The following IQCJ variants were observed in gnomAD, a reference collection of about 807,000 sequenced individuals.
IQCJ encodes the protein IQ motif containing J, also known as IQ domain-containing protein J.
In IQCJ, 9 loss-of-function variants were observed where a neutral mutation model predicts 11.0. The ratio of observed to expected loss-of-function variants is 0.82; its 90% CI spans 0.49 to 1.43. The LOEUF is 1.43. Among genes scored for constraint, IQCJ ranks in the 40% most tolerant of loss-of-function variants. The probability of loss-of-function intolerance (pLI) is 0.00; values close to 1 mark genes in which losing one functional copy is unlikely to be tolerated. For synonymous variants in IQCJ, 55 were observed against 51.3 expected (o/e 1.07, Z -0.31); for missense variants, 146 against 133.2 (o/e 1.10, Z -0.47).
At chr3:159,157,470 G>A (rs1439654654) in intron 1 of IQCJ, among the ~76,000 whole-genome samples, 1 of 152,196 alleles carries the variant, frequency 6.6e-6, no homozygotes, top group Non-Finnish European at 1.5e-5. Flanking sequence ...CTTAGGCAAT[G>A]TTGATGGATA....
intron 1 of IQCJ, among the ~76,000 whole-genome samples, chr3:159,205,957 C>T (rs535710358): frequency 6.6e-6 from 1 of 152,328 alleles, no homozygotes; most frequent in Admixed American, 6.5e-5. Flanking sequence ...TTGTCAGAAA[C>T]ATTAAGAGAA....
At chr3:159,252,153 GAGCTGCCTTCTCCATGA>G (rs777464818) in intron 2 of IQCJ, among the ~76,000 whole-genome samples, 146 of 152,184 alleles carry the variant, frequency 9.6e-4, no homozygotes, top group Non-Finnish European at 1.9e-3. Context: ...CTCATCCCAA[GAGCTGCCTTCTCCATGA>G]AGCCCTTCTT....
At chr3:159,086,441 C>G (rs889580840) in intron 1 of IQCJ, among the ~76,000 whole-genome samples, 3 of 152,070 alleles carry the variant, frequency 2.0e-5, no homozygotes, top group African/African-American at 7.2e-5. Flanking sequence ...TAGTTTTTTC[C>G]AATTCTTTGA....
chr3:159,208,089 C>T (rs1427432903), intron 1 of IQCJ, among the ~76,000 whole-genome samples: 1 of 152,148 alleles, frequency 6.6e-6, no homozygotes, highest in Non-Finnish European at 1.5e-5. Context: ...AAAAAATGAG[C>T]TCATTGAGTC....
intron 1 of IQCJ, among the ~76,000 whole-genome samples, chr3:159,162,999 G>T (rs1428062960): frequency 6.6e-6 from 1 of 152,174 alleles, no homozygotes; most frequent in Non-Finnish European, 1.5e-5. Context: ...GAGGTACAAG[G>T]AGGAACTGGT....
intron 1 of IQCJ, among the ~76,000 whole-genome samples, chr3:159,128,887 T>C (rs1003329468): frequency 6.6e-6 from 1 of 152,214 alleles, no homozygotes; most frequent in Admixed American, 6.5e-5. Context: ...TAGCCCCTTG[T>C]TTTCAGAACT....
rs1356313323 is a variant in IQCJ, at chr3:159,093,336, G to A, written c.9+23895G>A. 1.3e-5 allele frequency among the ~76,000 whole-genome samples: 2 copies of A among 151,892 alleles called. 1 individual carries two copies. Among genetic ancestry groups the A allele is most frequent in the African/African-American group, 4.9e-5 (2 of 41,166 alleles). ...TTCCTAGAGATTGATCATTTTCAAA[G>A]AGAAAAGTCAGGAGCTTTTATATCA... On this transcript the variant is annotated intron_variant, in intron 1 of 3. Transcript: ENST00000397832.
chr3:159,162,043 A>G (rs191934580), intron 1 of IQCJ, among the ~76,000 whole-genome samples: 331 of 152,328 alleles, frequency 2.2e-3, no homozygotes, highest in African/African-American at 7.6e-3. Context: ...TGAACTTTAA[A>G]GAAGTTTTTT....
chr3:159,147,453 C>G (rs988124985), intron 1 of IQCJ, among the ~76,000 whole-genome samples: 1 of 152,182 alleles, frequency 6.6e-6, no homozygotes, highest in Non-Finnish European at 1.5e-5. Context: ...TATGAGACCT[C>G]TGAAGAATAA....
At chr3:159,119,791 C>G (rs1719246885) in intron 1 of IQCJ, among the ~76,000 whole-genome samples, 1 of 152,164 alleles carries the variant, frequency 6.6e-6, no homozygotes, top group Admixed American at 6.5e-5. Context: ...CCATGTATCC[C>G]CATTCCGTAT....
chr3:159,207,689 G>A (rs1319375394), intron 1 of IQCJ, among the ~76,000 whole-genome samples: 1 of 152,218 alleles, frequency 6.6e-6, no homozygotes, highest in Non-Finnish European at 1.5e-5. Context: ...GGGAAGTTCA[G>A]TGTTTAGGGA....
intron 1 of IQCJ, among the ~76,000 whole-genome samples, chr3:159,142,497 A>G (rs944444303): frequency 1.3e-5 from 2 of 151,810 alleles, no homozygotes; most frequent in Non-Finnish European, 2.9e-5. Flanking sequence ...GCTCACTGCA[A>G]TGTCCACCTC....
chr3:159,207,935 CA>C (rs1477809209), intron 1 of IQCJ, among the ~76,000 whole-genome samples: 30 of 152,226 alleles, frequency 2.0e-4, no homozygotes, highest in African/African-American at 7.0e-4. Context: ...CACATTCGAA[CA>C]AAGCAAATAC....
intron 1 of IQCJ, among the ~76,000 whole-genome samples, chr3:159,093,449 G>C (rs550508496): frequency 2.0e-5 from 3 of 151,756 alleles, no homozygotes; most frequent in Non-Finnish European, 4.4e-5. Flanking sequence ...TCAAGATTTG[G>C]CTCCCACATT....
At chr3:159,112,569 T>C (rs1438999953) in intron 1 of IQCJ, among the ~76,000 whole-genome samples, 1 of 146,872 alleles carries the variant, frequency 6.8e-6, no homozygotes, top group Non-Finnish European at 1.5e-5. Flanking sequence ...GGCTGAAGCA[T>C]GTTAACAGTA....
rs1191316996 is a variant in IQCJ, at chr3:159,220,381, G to A, written c.10-25462G>A. 3.3e-5 allele frequency among the ~76,000 whole-genome samples: 5 copies of A among 152,204 alleles called. No individual in the cohort carries two copies. The South Asian group carries it at 1.0e-3, about 32-fold the overall frequency. ...GTGGGGCTCTAAATTAGTAAGAGTGGTGTCCTAATAAGAAGAGGAGGAAGC... is the reference window on the plus strand; with the variant it reads ...GTGGGGCTCTAAATTAGTAAGAGTGATGTCCTAATAAGAAGAGGAGGAAGC... On this transcript the variant is annotated intron_variant, in intron 1 of 3. Coordinates refer to ENST00000397832, the MANE Select transcript of IQCJ (RefSeq NM_001042706.3).
chr3:159,116,340 T>G (rs1718997127), intron 1 of IQCJ, among the ~76,000 whole-genome samples: 1 of 152,042 alleles, frequency 6.6e-6, no homozygotes, highest in Non-Finnish European at 1.5e-5. Context: ...CTCACTGGTA[T>G]CTGGTTCAGG....
chr3:159,150,540 A>G (rs558711467), intron 1 of IQCJ, among the ~76,000 whole-genome samples: 2 of 151,904 alleles, frequency 1.3e-5, no homozygotes, highest in South Asian at 4.1e-4. Context: ...AGAGCCACGG[A>G]GGGTGTGTAT....
At chr3:159,145,480 GA>G (rs201739430) in intron 1 of IQCJ, among the ~76,000 whole-genome samples, 2,158 of 151,908 alleles carry the variant, frequency 0.014, 21 homozygotes, top group Non-Finnish European at 0.024. Flanking sequence ...AATTTCCAGA[GA>G]TTTTTTTTTC....
Sources: allele counts gnomAD v4.1 joint callset (sites outside exome capture counted in the v4.1 genomes callset), GRCh38; gene constraint gnomAD v4.1.1; transcripts MANE v1.5; gene names NCBI Gene and HGNC (gene_info 2026-07-23, HGNC 2026-07-21).